The following PRMT8 variants were observed in gnomAD, a reference collection of about 807,000 sequenced individuals.
The protein encoded by PRMT8 is protein arginine methyltransferase 8.
PRMT8 carries 7 observed loss-of-function variants against 47.1 expected under a neutral mutation model. The ratio of observed to expected loss-of-function variants is 0.15; its 90% CI spans 0.08 to 0.28. The LOEUF (loss-of-function observed/expected upper bound fraction) is 0.28, where lower values mean the gene tolerates loss of function less well. Ranked by LOEUF, PRMT8 falls within the 10% of genes least tolerant of loss-of-function variation. PRMT8 has a pLI of 1.00. For synonymous variants in PRMT8, 188 were observed against 186.5 expected, an observed-to-expected ratio of 1.01 and a Z score of -0.07; for missense variants, 237 against 505.4, an observed-to-expected ratio of 0.47 and a Z score of 5.09.
chr12:3,439,560 T>C (rs1031098669), intron 1 of PRMT8, among the ~76,000 whole-genome samples: 1 of 152,240 alleles, frequency 6.6e-6, no homozygotes, highest in Non-Finnish European at 1.5e-5. Context: ...ACTTTCCTGA[T>C]GGACTCAGCA....
Position 3,552,796 on chromosome 12 carries a change from G to A in PRMT8, c.418-855G>A, listed in dbSNP as rs1331909866. 6.4e-6 allele frequency: 3 copies of A among 465,816 alleles called. No individual in the cohort carries two copies. Among genetic ancestry groups the A allele is most frequent in the African/African-American group, 2.0e-5 (1 of 50,550 alleles). 28.9% of individuals were successfully genotyped at this position (465,816 alleles called of 1,614,324 possible). ...CTTCTCAAGGGAATGGTCCCTGCCCGAGGCCTGGGGGTAGTCTGAGGGGCC... is the reference window on the plus strand; with the variant it reads ...CTTCTCAAGGGAATGGTCCCTGCCCAAGGCCTGGGGGTAGTCTGAGGGGCC... On this transcript the variant is annotated intron_variant, in intron 3 of 9. Transcript: ENST00000382622. The surrounding 1 kb of genome is among the most constrained non-coding windows in gnomAD (Gnocchi z 4.5).
At chr12:3,470,988 G>A (rs567720410) in intron 1 of PRMT8, among the ~76,000 whole-genome samples, 9 of 152,300 alleles carry the variant, frequency 5.9e-5, no homozygotes, top group African/African-American at 1.7e-4. Context: ...CATCCTGGGC[G>A]GAAGCTGGGG....
chr12:3,462,309 A>G (rs1284806824), intron 1 of PRMT8, among the ~76,000 whole-genome samples: 1 of 152,112 alleles, frequency 6.6e-6, no homozygotes, highest in East Asian at 1.9e-4. Flanking sequence ...CTTCAATGAC[A>G]AATGGGATAA....
intron 1 of PRMT8, among the ~76,000 whole-genome samples, chr12:3,473,598 GA>G (rs1408374429): frequency 6.6e-6 from 1 of 152,112 alleles, no homozygotes; most frequent in Non-Finnish European, 1.5e-5. Context: ...TCCCCACTGG[GA>G]TCTAGAGCCC....
At chr12:3,543,988 T>C (rs1866281440) in intron 2 of PRMT8, among the ~76,000 whole-genome samples, 1 of 152,206 alleles carries the variant, frequency 6.6e-6, no homozygotes, top group Non-Finnish European at 1.5e-5. Flanking sequence ...TCCAGCACCC[T>C]GAGCTCTGGG....
At chr12:3,402,733 A>T (rs1232670459) in intron 1 of PRMT8, among the ~76,000 whole-genome samples, 1 of 152,220 alleles carries the variant, frequency 6.6e-6, no homozygotes, top group Non-Finnish European at 1.5e-5. Flanking sequence ...AACATCCCTG[A>T]TCATTAGAGA....
chr12:3,555,399 A>G (rs566755315), intron 4 of PRMT8, among the ~76,000 whole-genome samples: 10 of 152,352 alleles, frequency 6.6e-5, no homozygotes, highest in African/African-American at 2.4e-4. Flanking sequence ...GACAGAAGTT[A>G]CAGCCAGTAC....
At chr12:3,481,393 C>T (rs1207506058) in intron 1 of PRMT8, among the ~76,000 whole-genome samples, 1 of 152,178 alleles carries the variant, frequency 6.6e-6, no homozygotes, top group Non-Finnish European at 1.5e-5. Context: ...CTGCACTCCA[C>T]CCTGACACTG....
At chr12:3,447,539 A>G (rs1054934495) in intron 1 of PRMT8, among the ~76,000 whole-genome samples, 3 of 151,984 alleles carry the variant, frequency 2.0e-5, no homozygotes, top group Non-Finnish European at 2.9e-5. Context: ...ATCCTTCAAG[A>G]CGCAGCACAG....
At chr12:3,527,389 C>A (rs1026526030) in intron 1 of PRMT8, among the ~76,000 whole-genome samples, 3 of 151,980 alleles carry the variant, frequency 2.0e-5, no homozygotes, top group South Asian at 2.1e-4. Context: ...TTCATTTCCT[C>A]GGTAGGTGGA....
At chr12:3,553,445 G>A (rs985298478) in intron 3 of PRMT8, 6 of 605,826 alleles carry the variant, frequency 9.9e-6, no homozygotes, top group African/African-American at 7.4e-5. Flanking sequence ...CAGTCTTTTC[G>A]CAAAGGCAGC....
chr12:3,431,246 G>A (rs1034536841), intron 1 of PRMT8, among the ~76,000 whole-genome samples: 3 of 152,164 alleles, frequency 2.0e-5, no homozygotes, highest in Non-Finnish European at 4.4e-5. Context: ...AGTTACAGCA[G>A]TGGTTTGACT....
At chr12:3,496,848 T>C (rs12319455) in intron 1 of PRMT8, among the ~76,000 whole-genome samples, 3,374 of 152,216 alleles carry the variant, frequency 0.022, 126 homozygotes, top group African/African-American at 0.074. Flanking sequence ...CATGTGACTT[T>C]TTCCTCCCTC....
intron 1 of PRMT8, among the ~76,000 whole-genome samples, chr12:3,398,894 A>C (rs1379988420): frequency 1.3e-5 from 2 of 152,212 alleles, no homozygotes; most frequent in African/African-American, 4.8e-5. Context: ...CTAAATATGC[A>C]GTGGGGCTGC....
In PRMT8 at chr12:3,504,513, C is replaced by T. The variant is rs1460600893; in HGVS notation, c.75+12813C>T. Reference sequence around the variant, plus strand: ...GGGGGTGCCTCCCAGTTAGGCTGCTCGGGGGTCAGGGGTCAGGGACCCACT... The same window carrying T: ...GGGGGTGCCTCCCAGTTAGGCTGCTTGGGGGTCAGGGGTCAGGGACCCACT... On this transcript the variant is annotated intron_variant, in intron 1 of 9. Coordinates refer to ENST00000382622, the MANE Select transcript of PRMT8 (RefSeq NM_019854.5). 3.6e-3 allele frequency among the ~76,000 whole-genome samples: 418 copies of T among 115,534 alleles called. 5 individuals are homozygous for T. The highest frequency in any genetic ancestry group is 9.8e-3 in the African/African-American group (370 of 37,830). 75.8% of individuals were successfully genotyped at this position (115,534 alleles called of 152,430 possible).
chr12:3,425,160 C>T (rs1010917526), intron 1 of PRMT8, among the ~76,000 whole-genome samples: 8 of 152,150 alleles, frequency 5.3e-5, no homozygotes, highest in Non-Finnish European at 1.0e-4. Flanking sequence ...TTGCAAACTT[C>T]GATGGTTATG....
intron 1 of PRMT8, among the ~76,000 whole-genome samples, chr12:3,426,675 T>C (rs1298025060): frequency 6.6e-6 from 1 of 152,208 alleles, no homozygotes; most frequent in Non-Finnish European, 1.5e-5. Context: ...AACTAGATGG[T>C]CAGCAATAGA....
In PRMT8 at chr12:3,453,405, G is replaced by A. The variant is rs1227740796; in HGVS notation, c.48+71963G>A. 2.0e-5 allele frequency among the ~76,000 whole-genome samples: 3 copies of A among 152,128 alleles called. No homozygotes were observed. The highest frequency in any genetic ancestry group is 7.2e-5 in the African/African-American group (3 of 41,420). ...TGGGTGTCGCCGTCAGCAGGTGAGG[G>A]AGCGCATGGGGAATGCAGATTCCCA... On this transcript the variant is annotated intron_variant, in intron 1 of 9. Coordinates refer to the PRMT8 transcript ENST00000452611. This position sits in a 1 kb window ranked among gnomAD's most constrained non-coding sequence, Gnocchi z 4.9.
intron 1 of PRMT8, among the ~76,000 whole-genome samples, chr12:3,421,846 G>A (rs887116314): frequency 2.0e-5 from 3 of 152,236 alleles, no homozygotes; most frequent in African/African-American, 4.8e-5. Flanking sequence ...CATGAGCAAC[G>A]GGATGGAGGC....
Sources: gnomAD v4.1 joint callset for allele counts (sites outside exome capture counted in the v4.1 genomes callset) on GRCh38, gnomAD v4.1.1 for gene constraint, Gnocchi (gnomAD v3.1) non-coding constraint, MANE v1.5 for transcripts, NCBI Gene and HGNC (gene_info 2026-07-23, HGNC 2026-07-21) for gene names.